The following THEMIS variants were observed in gnomAD, a reference collection of about 807,000 sequenced individuals.
The protein encoded by THEMIS is protein THEMIS.
Under a neutral mutation model 52.6 loss-of-function variants are expected in THEMIS, and 37 were observed. The observed-to-expected ratio is 0.70, with a 90% confidence interval of 0.54 to 0.93. The LOEUF (loss-of-function observed/expected upper bound fraction) is 0.93. Among genes scored for constraint, THEMIS ranks in the 40% least tolerant of loss-of-function variants. The probability of loss-of-function intolerance (pLI) is 0.00; values close to 1 mark genes in which losing one functional copy is unlikely to be tolerated. For missense variants in THEMIS, 808 were observed against 763.1 expected (o/e 1.06, Z -0.69); for synonymous variants, 292 against 272.7 (o/e 1.07, Z -0.70).
intron 4 of THEMIS, among the ~76,000 whole-genome samples, chr6:127,799,534 T>C (rs1204104863): frequency 2.4e-5 from 2 of 83,178 alleles, no homozygotes; most frequent in East Asian, 4.1e-4. Flanking sequence ...TCTTTCTCTT[T>C]CTTTCTTTCT....
the THEMIS span, among the ~76,000 whole-genome samples, chr6:127,701,010 G>T: frequency 6.6e-6 from 1 of 151,968 alleles, no homozygotes; most frequent in Non-Finnish European, 1.5e-5. Flanking sequence ...CCGTTCTGTT[G>T]CTTTATTACA....
intron 3 of THEMIS, among the ~76,000 whole-genome samples, chr6:127,825,075 A>C (rs1383161864): frequency 6.6e-6 from 1 of 152,216 alleles, no homozygotes; most frequent in African/African-American, 2.4e-5. Context: ...CGAAAATTAA[A>C]AATTCATTAA....
At chr6:127,883,904 T>C (rs1406132578) in intron 1 of THEMIS, among the ~76,000 whole-genome samples, 1 of 152,088 alleles carries the variant, frequency 6.6e-6, no homozygotes, top group Admixed American at 6.6e-5. Flanking sequence ...CCATCACAAA[T>C]TGAGGAGCAT....
At chr6:127,786,071 G>A (rs1776938339) in intron 4 of THEMIS, among the ~76,000 whole-genome samples, 1 of 151,990 alleles carries the variant, frequency 6.6e-6, no homozygotes, top group African/African-American at 2.4e-5. Flanking sequence ...GACTTTGATA[G>A]CTCTAGGTAT....
intron 1 of THEMIS, among the ~76,000 whole-genome samples, chr6:127,890,869 AT>A (rs1312157130): frequency 5.9e-5 from 9 of 152,074 alleles, no homozygotes; most frequent in Non-Finnish European, 2.9e-5. Context: ...TGGAAGGAAT[AT>A]AAATATCAAT....
chr6:127,802,676 A>C (rs989384442), intron 4 of THEMIS, among the ~76,000 whole-genome samples: 1 of 152,198 alleles, frequency 6.6e-6, no homozygotes, highest in Non-Finnish European at 1.5e-5. Context: ...CCCTTCAATC[A>C]ATTTCCAGAC....
At chr6:127,731,200 A>T (rs926649623) in intron 4 of THEMIS, among the ~76,000 whole-genome samples, 5 of 152,214 alleles carry the variant, frequency 3.3e-5, no homozygotes, top group African/African-American at 1.2e-4. Context: ...GAAACACTTT[A>T]AAAATTCTGG....
intron 5 of THEMIS, 43 bp downstream of exon 5, chr6:127,719,645 G>A: frequency 6.4e-7 from 1 of 1,556,200 alleles, no homozygotes. Context: ...CATGTGGACA[G>A]TTAAACCACC....
At chr6:127,754,558 A>G (rs138270284) in intron 4 of THEMIS, among the ~76,000 whole-genome samples, 89 of 152,318 alleles carry the variant, frequency 5.8e-4, no homozygotes, top group African/African-American at 1.6e-3. Flanking sequence ...ACACTGGAAC[A>G]CAGGGAAACT....
intron 4 of THEMIS, among the ~76,000 whole-genome samples, chr6:127,806,164 A>G (rs1255379170): frequency 5.9e-5 from 9 of 152,178 alleles, no homozygotes; most frequent in Admixed American, 5.9e-4. Context: ...CATTTCAAAC[A>G]GGAATTTCCA....
intron 3 of THEMIS, among the ~76,000 whole-genome samples, chr6:127,815,736 A>G (rs183696744): frequency 6.6e-6 from 1 of 152,322 alleles, no homozygotes; most frequent in Admixed American, 6.5e-5. Context: ...TGTTTGAATC[A>G]AAATGAGCTA....
intron 5 of THEMIS, among the ~76,000 whole-genome samples, chr6:127,710,473 C>T (rs1773938765): frequency 1.3e-5 from 2 of 151,820 alleles, no homozygotes; most frequent in Admixed American, 1.3e-4. Context: ...CACTATGCCT[C>T]CTGAATAGAA....
At chr6:127,870,425 C>T (rs1780122031) in intron 1 of THEMIS, among the ~76,000 whole-genome samples, 1 of 152,088 alleles carries the variant, frequency 6.6e-6, no homozygotes, top group African/African-American at 2.4e-5. Flanking sequence ...CCTGCTGTAG[C>T]AGTGTCAAAG....
At chr6:127,715,801 G>C (rs1257714345) in intron 5 of THEMIS, among the ~76,000 whole-genome samples, 1 of 151,816 alleles carries the variant, frequency 6.6e-6, no homozygotes. Flanking sequence ...GAGTCCAACA[G>C]TTTCAATGTT....
intron 4 of THEMIS, among the ~76,000 whole-genome samples, chr6:127,782,662 G>C (rs1177970690): frequency 2.0e-5 from 3 of 152,102 alleles, no homozygotes; most frequent in African/African-American, 7.2e-5. Context: ...GATGAGTGGG[G>C]TTCCTCAGTT....
chr6:127,913,765 A>C (rs1414842146), intron 1 of THEMIS, among the ~76,000 whole-genome samples: 2 of 152,236 alleles, frequency 1.3e-5, no homozygotes, highest in African/African-American at 4.8e-5. Context: ...CTTGTATAAC[A>C]TTTTACAGCT....
At chr6:127,734,038 A>C (rs1025865258) in intron 4 of THEMIS, among the ~76,000 whole-genome samples, 3 of 152,234 alleles carry the variant, frequency 2.0e-5, no homozygotes, top group Non-Finnish European at 4.4e-5. Flanking sequence ...TGTCCGTAGG[A>C]ATACAATCTG....
chr6:127,847,074 A>C (rs1431339429), intron 2 of THEMIS, among the ~76,000 whole-genome samples: 2 of 152,044 alleles, frequency 1.3e-5, no homozygotes, highest in African/African-American at 4.8e-5. Flanking sequence ...CATTTGATAA[A>C]ATTCAGCATC....
intron 4 of THEMIS, among the ~76,000 whole-genome samples, chr6:127,801,870 C>A (rs1056877271): frequency 6.6e-6 from 1 of 151,956 alleles, no homozygotes; most frequent in African/African-American, 2.4e-5. Context: ...ATGCACTACA[C>A]GGGAAAAGAA....
Sources: allele counts gnomAD v4.1 joint callset (sites outside exome capture counted in the v4.1 genomes callset), GRCh38; gene constraint gnomAD v4.1.1; transcripts MANE v1.5; gene names NCBI Gene and HGNC (gene_info 2026-07-23, HGNC 2026-07-21).